MAN1C1: variants seen among roughly 807,000 people sequenced by gnomAD.
The protein encoded by MAN1C1 is mannosyl-oligosaccharide 1,2-alpha-mannosidase IC.
Under a neutral mutation model 71.5 loss-of-function variants are expected in MAN1C1, and 49 were observed. The observed-to-expected ratio is 0.69, with a 90% CI of 0.54 to 0.87. The LOEUF (loss-of-function observed/expected upper bound fraction) is 0.87, where lower values mean the gene tolerates loss of function less well. Among genes scored for constraint, MAN1C1 ranks in the 40% least tolerant of loss-of-function variants. The pLI is 0.00. For synonymous variants in MAN1C1, 352 were observed against 343.7 expected (o/e 1.02, Z -0.27); for missense variants, 743 against 835.0 (o/e 0.89, Z 1.36).
At position 25,776,794 on chromosome 1, in the gene MAN1C1, G is replaced by A. The variant is rs1350068864; in HGVS notation, c.1258-1311G>A. Among the ~76,000 whole-genome samples the A allele has an allele frequency of 2.0e-5, 3 of 152,174 alleles. No individual in the cohort carries two copies. In the East Asian group the frequency reaches 5.8e-4, roughly 29 times the overall value. On this transcript the variant is annotated intron_variant, in intron 8 of 11. Transcript: ENST00000374332. This position sits in a 1 kb window ranked among gnomAD's most constrained non-coding sequence, Gnocchi z 4.3. ...GTAGGGTGTGAGGAGGGAGGGGCAG[G>A]AGACAGACTAGAGTGGAATCATAGG...
intron 4 of MAN1C1, among the ~76,000 whole-genome samples, chr1:25,752,875 T>A (rs553709744): frequency 6.6e-6 from 1 of 152,348 alleles, no homozygotes; most frequent in East Asian, 1.9e-4. Flanking sequence ...GGGACAGGCC[T>A]GTCCACTGCT....
At chr1:25,722,582 T>G (rs1363444729) in intron 2 of MAN1C1, among the ~76,000 whole-genome samples, 1 of 152,272 alleles carries the variant, frequency 6.6e-6, no homozygotes, top group Non-Finnish European at 1.5e-5. Context: ...GTGAATGTTC[T>G]TTTGTTGAGC....
Position 25,746,629 on chromosome 1 carries a change from A to G in MAN1C1, c.638-39A>G, listed in dbSNP as rs769377656. 5 of 1,479,584 alleles carry G rather than the reference A, an allele frequency of 3.4e-6. No homozygotes were observed. The highest frequency in any genetic ancestry group is 3.8e-6 in the Non-Finnish European group (4 of 1,062,394). 91.7% of individuals were successfully genotyped at this position (1,479,584 alleles called of 1,614,324 possible). ...TTGTCCAGTTGGGGAAAAGAGAAAG[A>G]TGGCCCTGGGTCACACCCTCAATGC... On this transcript the variant is annotated intron_variant, in intron 2 of 11. Transcript: ENST00000374332. The surrounding 1 kb of genome is among the most constrained non-coding windows in gnomAD (Gnocchi z 4.0).
intron 2 of MAN1C1, among the ~76,000 whole-genome samples, chr1:25,687,485 C>A (rs1572150222): frequency 6.6e-6 from 1 of 152,214 alleles, no homozygotes; most frequent in African/African-American, 2.4e-5. Flanking sequence ...CAGTCCCATA[C>A]CTGGATTCCT....
intron 3 of MAN1C1, among the ~76,000 whole-genome samples, chr1:25,747,598 C>T (rs1557790495): frequency 6.6e-6 from 1 of 152,198 alleles, no homozygotes; most frequent in African/African-American, 2.4e-5. Flanking sequence ...CCTGCAGCTC[C>T]TGGCAGCAGC....
chr1:25,628,534 C>T (rs1334923855), intron 1 of MAN1C1, among the ~76,000 whole-genome samples: 1 of 152,060 alleles, frequency 6.6e-6, no homozygotes, highest in Non-Finnish European at 1.5e-5. Context: ...TCTCGAACTC[C>T]TGACCTCAGG....
chr1:25,652,407 G>C (rs1187167209), intron 1 of MAN1C1, among the ~76,000 whole-genome samples: 2 of 152,262 alleles, frequency 1.3e-5, no homozygotes, highest in African/African-American at 4.8e-5. Context: ...CCCGGGAAGT[G>C]AGACTCTGCA....
intron 7 of MAN1C1, among the ~76,000 whole-genome samples, chr1:25,768,492 C>T (rs1161003437): frequency 8.6e-6 from 1 of 115,832 alleles, no homozygotes; most frequent in African/African-American, 3.3e-5. Flanking sequence ...CTCCCCCACA[C>T]AGACCCACAC....
chr1:25,635,438 CTTTT>C (rs747915977), intron 1 of MAN1C1, among the ~76,000 whole-genome samples: 1 of 131,502 alleles, frequency 7.6e-6, no homozygotes, highest in African/African-American at 2.8e-5. Context: ...TTCTTTCTTT[CTTTT>C]TTTTTTTTTT....
At chr1:25,759,627 C>T (rs2047334971) in intron 6 of MAN1C1, 1 of 152,218 alleles carries the variant, frequency 6.6e-6, no homozygotes, top group African/African-American at 2.4e-5. Flanking sequence ...CTCCCAGTAT[C>T]ATGTCGCCAT....
Position 25,744,104 on chromosome 1 carries a change from G to A in MAN1C1, c.638-2564G>A, listed in dbSNP as rs903621752. ...CCAGATTCTTCCAGGCCCTTCAAACGTCTGGTTTGAGGTCCTGTGATAGAA... is the reference window on the plus strand; with the variant it reads ...CCAGATTCTTCCAGGCCCTTCAAACATCTGGTTTGAGGTCCTGTGATAGAA... On this transcript the variant is annotated intron_variant, in intron 2 of 11. Coordinates refer to ENST00000374332, the MANE Select transcript of MAN1C1 (RefSeq NM_020379.4). 5.3e-4 allele frequency among the ~76,000 whole-genome samples: 81 copies of A among 152,162 alleles called. 4 individuals carry two copies. The highest frequency in any genetic ancestry group is 6.2e-4 in the South Asian group (3 of 4,828).
chr1:25,721,084 C>T (rs1299663821), intron 2 of MAN1C1, among the ~76,000 whole-genome samples: 1 of 152,100 alleles, frequency 6.6e-6, no homozygotes, highest in Non-Finnish European at 1.5e-5. Context: ...TTTTAAAACA[C>T]GAAATGTGAG....
intron 8 of MAN1C1, among the ~76,000 whole-genome samples, chr1:25,777,271 A>G (rs1002601373): frequency 6.6e-6 from 1 of 152,180 alleles, no homozygotes; most frequent in Non-Finnish European, 1.5e-5. Context: ...GCCATGGGCC[A>G]GGCCCCACCA....
chr1:25,769,299 C>G lies in MAN1C1; in HGVS notation c.1142-2358C>G, dbSNP rs973508928. Among the ~76,000 whole-genome samples, 1 of 151,564 alleles carries G rather than the reference C, an allele frequency of 6.6e-6. No homozygotes were observed. The highest frequency in any genetic ancestry group is 1.5e-5 in the Non-Finnish European group (1 of 67,828). On this transcript the variant is annotated intron_variant, in intron 7 of 11. Transcript: ENST00000374332. The surrounding 1 kb of genome is among the most constrained non-coding windows in gnomAD (Gnocchi z 4.8). ...CACACACATCCACACACCCATACCC[C>G]TCAGCACACACACACGCCCCCATAC...
At chr1:25,708,246 C>T (rs949623146) in intron 2 of MAN1C1, among the ~76,000 whole-genome samples, 3 of 152,206 alleles carry the variant, frequency 2.0e-5, no homozygotes, top group African/African-American at 7.2e-5. Flanking sequence ...GGGCAATTCC[C>T]TGAACTGAGG....
At chr1:25,706,072 A>G (rs965115104) in intron 2 of MAN1C1, among the ~76,000 whole-genome samples, 1 of 152,256 alleles carries the variant, frequency 6.6e-6, no homozygotes, top group African/African-American at 2.4e-5. Flanking sequence ...CACAGCTGGC[A>G]AACTGCAGAG....
At position 25,641,448 on chromosome 1, in the gene MAN1C1, A is replaced by G. The variant is rs147422130; in HGVS notation, c.540+23111A>G. Among the ~76,000 whole-genome samples the G allele has an allele frequency of 3.3e-5, 5 of 152,342 alleles. No individual in the cohort carries two copies. In the East Asian group the frequency reaches 9.6e-4, roughly 29 times the overall value. ...CTTAGAGGAAGAGTTTTCACTTTGG[A>G]ATGGAAGAGCGTAGAAACTGTCATA... On this transcript the variant is annotated intron_variant, in intron 1 of 11. Transcript: ENST00000374332.
intron 2 of MAN1C1, among the ~76,000 whole-genome samples, chr1:25,714,617 C>T (rs752205776): frequency 6.6e-6 from 1 of 152,092 alleles, no homozygotes; most frequent in Non-Finnish European, 1.5e-5. Flanking sequence ...TATACCGATC[C>T]AAAAGAAGAT....
Position 25,617,768 on chromosome 1 carries a change from A to G in MAN1C1, c.-30A>G. On this transcript the variant is annotated 5_prime_UTR_variant, in exon 1 of 12. Coordinates refer to ENST00000374332, the MANE Select transcript of MAN1C1 (RefSeq NM_020379.4). The surrounding 1 kb of genome is among the most constrained non-coding windows in gnomAD (Gnocchi z 5.1). Reference sequence around the variant, plus strand: ...CCCGCAGACACGTGCCTGGACTCCGAGGGCTTCTGGAGCCACCGGCCGGGC... The same window carrying G: ...CCCGCAGACACGTGCCTGGACTCCGGGGGCTTCTGGAGCCACCGGCCGGGC... The G allele has an allele frequency of 1.3e-6, 2 of 1,553,382 alleles. No individual in the cohort carries two copies. Among genetic ancestry groups the G allele is most frequent in the South Asian group, 2.4e-5 (2 of 84,976 alleles).
Sources: gnomAD v4.1 joint callset for allele counts (sites outside exome capture counted in the v4.1 genomes callset) on GRCh38, gnomAD v4.1.1 for gene constraint, Gnocchi (gnomAD v3.1) non-coding constraint, MANE v1.5 for transcripts, NCBI Gene and HGNC (gene_info 2026-07-23, HGNC 2026-07-21) for gene names.